PSMD1: variants seen among roughly 807,000 people sequenced by gnomAD.
PSMD1 encodes proteasome 26S subunit, non-ATPase 1.
In PSMD1, 18 loss-of-function variants were observed where a neutral mutation model predicts 119.0. The observed-to-expected ratio is 0.15, with a 90% CI of 0.10 to 0.22. The LOEUF is 0.22. Ranked by LOEUF, PSMD1 falls within the 10% of genes least tolerant of loss-of-function variation. PSMD1 has a pLI of 1.00. For missense variants in PSMD1, 702 were observed against 1,158.5 expected (o/e 0.61, Z 5.72); for synonymous variants, 374 against 396.6 (o/e 0.94, Z 0.68).
intron 1 of PSMD1, among the ~76,000 whole-genome samples, chr2:231,058,705 T>G (rs944556163): frequency 3.3e-5 from 5 of 152,066 alleles, no homozygotes; most frequent in Non-Finnish European, 7.4e-5. Context: ...TGTAGTACTG[T>G]CTTCACTCAA....
At chr2:231,146,157 G>A (rs1184837142) in intron 17 of PSMD1, 83 bp from the exon 18 acceptor site, 18 of 914,934 alleles carry the variant, frequency 2.0e-5, no homozygotes, top group Admixed American at 9.1e-5. Context: ...CCAGAATGTC[G>A]TTACATGGCA....
chr2:231,082,836 G>A (rs1300537801), intron 12 of PSMD1, 47 bp from the exon 13 acceptor site: 1 of 1,386,848 alleles, frequency 7.2e-7, no homozygotes, highest in Non-Finnish European at 1.0e-6. Flanking sequence ...AAACTTGTAT[G>A]TTAAGTACAG....
At chr2:231,152,175 A>G (rs979289158) in intron 18 of PSMD1, among the ~76,000 whole-genome samples, 2 of 152,132 alleles carry the variant, frequency 1.3e-5, no homozygotes, top group Non-Finnish European at 2.9e-5. Context: ...GCTAGGTTTT[A>G]TAGTTAAAGA....
rs61731726 is a variant in PSMD1, at chr2:231,123,613, C to A, written c.1884-15123C>A. On this transcript the variant is annotated intron_variant, in intron 16 of 24. Coordinates refer to ENST00000308696, the MANE Select transcript of PSMD1 (RefSeq NM_002807.4). ...AAGAGCTGCCCAGTGCAGTTTATTT[C>A]CCTGTTCCTCAACAATCTGTTTCAT... 7 of 1,613,948 alleles carry A rather than the reference C, an allele frequency of 4.3e-6. No homozygotes were observed. In the African/African-American group the frequency reaches 9.3e-5, roughly 22 times the overall value.
In PSMD1 at chr2:231,070,184, T is replaced by C. The variant is rs1243617030; in HGVS notation, c.654+16T>C. ...TGTTTGTCAGGTAATGACATTAAAT[T>C]ATGTTTCATTACATTGCTCCACGCT... On this transcript the variant is annotated intron_variant, in intron 6 of 24. Transcript: ENST00000308696. 6.6e-7 allele frequency: 1 copy of C among 1,513,032 alleles called. No individual in the cohort carries two copies. The highest frequency in any genetic ancestry group is 2.4e-5 in the Admixed American group (1 of 42,432). The allele number at this position is 1,513,032 out of a possible 1,614,324, so 93.7% of individuals were successfully genotyped here.
chr2:231,124,286 G>A (rs1695661224), intron 16 of PSMD1, among the ~76,000 whole-genome samples: 1 of 152,132 alleles, frequency 6.6e-6, no homozygotes, highest in South Asian at 2.1e-4. Flanking sequence ...ATGTTGCTCA[G>A]TTAATGAAAC....
At chr2:231,077,903 A>T (rs1694206180) in intron 9 of PSMD1, among the ~76,000 whole-genome samples, 3 of 152,258 alleles carry the variant, frequency 2.0e-5, no homozygotes, top group South Asian at 2.1e-4. Flanking sequence ...ATGGCAAAAA[A>T]TATGGAGAAT....
chr2:231,159,211 A>AT (rs1259428410), intron 19 of PSMD1, among the ~76,000 whole-genome samples: 1 of 152,208 alleles, frequency 6.6e-6, no homozygotes, highest in Non-Finnish European at 1.5e-5. Flanking sequence ...TTTATAGGAT[A>AT]TATTATTTAA....
intron 16 of PSMD1, among the ~76,000 whole-genome samples, chr2:231,130,783 G>A (rs1695836532): frequency 6.6e-6 from 1 of 152,130 alleles, no homozygotes; most frequent in South Asian, 2.1e-4. Flanking sequence ...ATATGTTTAT[G>A]GAGACATAGA....
intron 16 of PSMD1, among the ~76,000 whole-genome samples, chr2:231,092,324 C>G (rs1694616224): frequency 2.0e-5 from 3 of 152,132 alleles, no homozygotes; most frequent in Admixed American, 1.3e-4. Flanking sequence ...CCTGTCCCTG[C>G]ACTCGGGTCA....
Position 231,146,294 on chromosome 2 carries a change from C to T in PSMD1, c.2053C>T (p.Gln685Ter). 6.2e-7 allele frequency: 1 copy of T among 1,613,856 alleles called. No homozygotes were observed. Among genetic ancestry groups the T allele is most frequent in the Non-Finnish European group, 8.5e-7 (1 of 1,179,862 alleles). The change falls in exon 18 of 25, where the codon CAA (glutamine) becomes TAA (stop). Residue 685 changes from glutamine (Q) to a stop codon, truncating the protein, a stop_gained. Transcript: ENST00000308696. LOFTEE classifies it high-confidence loss of function. The stretch of plus-strand genomic sequence containing the variant: ...AAACGACCCCGTGAACTACGTGAGG[C>T]AAGGGGCACTCATAGCTTCAGCTCT... ...MTNDPVNYVR[Q>*]GALIASALIM...
At chr2:231,090,702 G>A (rs1694568693) in intron 16 of PSMD1, among the ~76,000 whole-genome samples, 1 of 152,230 alleles carries the variant, frequency 6.6e-6, no homozygotes, top group African/African-American at 2.4e-5. Flanking sequence ...ACAGGAGGAA[G>A]TCAAAATATC....
At chr2:231,121,819 G>A (rs187624977) in intron 16 of PSMD1, among the ~76,000 whole-genome samples, 3 of 152,206 alleles carry the variant, frequency 2.0e-5, no homozygotes, top group South Asian at 2.1e-4. Context: ...TCAATATCAT[G>A]TATTGAATGA....
At chr2:231,057,827 C>G (rs1469647048) in intron 1 of PSMD1, among the ~76,000 whole-genome samples, 3 of 152,234 alleles carry the variant, frequency 2.0e-5, no homozygotes, top group Non-Finnish European at 4.4e-5. Context: ...GACTTAAGCT[C>G]CCCGTTACAG....
chr2:231,126,028 T>G (rs1695711006), intron 16 of PSMD1, among the ~76,000 whole-genome samples: 1 of 152,204 alleles, frequency 6.6e-6, no homozygotes, highest in South Asian at 2.1e-4. Context: ...GAAAAAATAC[T>G]TGTGAAGAAT....
chr2:231,078,811 TTTTTG>T, intron 10 of PSMD1, 64 bp downstream of exon 10: 6 of 1,285,834 alleles, frequency 4.7e-6, no homozygotes, highest in Non-Finnish European at 6.4e-6. Flanking sequence ...TTTTTTTTTT[TTTTTG>T]TGCAGTCTTA....
At chr2:231,125,024 C>T (rs182137124) in intron 16 of PSMD1, 1 of 152,280 alleles carries the variant, frequency 6.6e-6, no homozygotes, top group East Asian at 1.9e-4. Context: ...GTTCACTAGA[C>T]TTGCTTGCTG....
At chr2:231,059,178 ATTT>A (rs1186439266) in intron 1 of PSMD1, among the ~76,000 whole-genome samples, 1 of 152,180 alleles carries the variant, frequency 6.6e-6, no homozygotes, top group Non-Finnish European at 1.5e-5. Flanking sequence ...AAAACTAATA[ATTT>A]TTGAGGTCCT....
At chr2:231,132,649 T>G (rs1392561379) in intron 16 of PSMD1, among the ~76,000 whole-genome samples, 1 of 152,238 alleles carries the variant, frequency 6.6e-6, no homozygotes, top group South Asian at 2.1e-4. Context: ...TATTGTTTTA[T>G]GGATAAGGCA....
Sources: allele counts gnomAD v4.1 joint callset (sites outside exome capture counted in the v4.1 genomes callset), GRCh38; gene constraint gnomAD v4.1.1; transcripts MANE v1.5; gene names NCBI Gene and HGNC (gene_info 2026-07-23, HGNC 2026-07-21).